The following PRKD1 variants were observed in gnomAD, a reference collection of about 807,000 sequenced individuals.
PRKD1 encodes the protein protein kinase D1, also known as serine/threonine-protein kinase D1.
A neutral mutation model predicts 95.9 loss-of-function variants in PRKD1; 63 were observed. The observed-to-expected ratio is 0.66, with a 90% CI of 0.54 to 0.81. The LOEUF (loss-of-function observed/expected upper bound fraction) is 0.81, where lower values mean the gene tolerates loss of function less well. Ranked by LOEUF, PRKD1 falls within the 30% of genes least tolerant of loss-of-function variation. The pLI is 0.00. For synonymous variants in PRKD1, 425 were observed against 423.1 expected (o/e 1.00, Z -0.05); for missense variants, 1,048 against 1,165.3 (o/e 0.90, Z 1.47).
intron 4 of PRKD1, among the ~76,000 whole-genome samples, chr14:29,654,926 T>C (rs1217802311): frequency 6.6e-6 from 1 of 152,230 alleles, no homozygotes; most frequent in Non-Finnish European, 1.5e-5. Context: ...TTTGACAAAC[T>C]AGACGTAAAC....
intron 1 of PRKD1, among the ~76,000 whole-genome samples, chr14:29,871,330 A>T (rs1893098580): frequency 6.6e-6 from 1 of 152,232 alleles, no homozygotes; most frequent in Non-Finnish European, 1.5e-5. Context: ...ATTTTTTAGG[A>T]TAAAAACTAT....
At chr14:29,651,418 T>A (rs983792923) in intron 4 of PRKD1, among the ~76,000 whole-genome samples, 16 of 152,178 alleles carry the variant, frequency 1.1e-4, no homozygotes, top group Non-Finnish European at 2.4e-4. Flanking sequence ...AATGGCAACA[T>A]CATCACTCTT....
At chr14:29,822,853 A>G (rs1331096638) in intron 1 of PRKD1, among the ~76,000 whole-genome samples, 1 of 152,198 alleles carries the variant, frequency 6.6e-6, no homozygotes, top group Non-Finnish European at 1.5e-5. Flanking sequence ...TCAGTCCCAC[A>G]ACATTCTTAA....
intron 1 of PRKD1, among the ~76,000 whole-genome samples, 185 bp from the exon 2 acceptor site, chr14:29,725,859 G>A (rs985721206): frequency 9.2e-5 from 14 of 152,064 alleles, no homozygotes; most frequent in African/African-American, 3.4e-4. Flanking sequence ...AAATCAGAAG[G>A]AAAGAAATCA....
intron 2 of PRKD1, among the ~76,000 whole-genome samples, chr14:29,707,756 T>C (rs896081018): frequency 2.0e-5 from 3 of 152,134 alleles, no homozygotes; most frequent in African/African-American, 7.2e-5. Flanking sequence ...CACTACTGGA[T>C]TACTTCATGA....
intron 13 of PRKD1, among the ~76,000 whole-genome samples, chr14:29,609,506 G>GCACGCACA (rs1555327741): frequency 7.8e-5 from 10 of 127,428 alleles, no homozygotes; most frequent in Admixed American, 1.6e-4. Flanking sequence ...GTGTGTGCGT[G>GCACGCACA]CACACACACA....
intron 1 of PRKD1, among the ~76,000 whole-genome samples, chr14:29,826,649 ATATG>A (rs1373319393): frequency 2.2e-5 from 1 of 46,078 alleles, no homozygotes; most frequent in African/African-American, 9.7e-5. Context: ...GTGTGTATAT[ATATG>A]TGTGTGTGTG....
chr14:29,876,322 C>A (rs570498956), intron 1 of PRKD1, among the ~76,000 whole-genome samples: 2 of 152,014 alleles, frequency 1.3e-5, no homozygotes, highest in Non-Finnish European at 2.9e-5. Context: ...CAGGTCATTG[C>A]CAACCAGGGA....
chr14:29,849,745 A>G (rs1435891387), intron 1 of PRKD1, among the ~76,000 whole-genome samples: 1 of 151,812 alleles, frequency 6.6e-6, no homozygotes, highest in Non-Finnish European at 1.5e-5. Flanking sequence ...CATTCTGATA[A>G]TATAAAAAAA....
rs1275919917 is a variant in PRKD1 at position 29,629,133 on chromosome 14, G to C, written c.1673-40C>G. ...AAAACAATATGCACACAAAAAGTCA[G>C]TAAGAGATGTAATAGCAAAACAAGT... On this transcript the variant is annotated intron_variant, in intron 10 of 17. Coordinates refer to ENST00000331968, the MANE Select transcript of PRKD1 (RefSeq NM_002742.3). 4 of 1,548,746 alleles carry C rather than the reference G, an allele frequency of 2.6e-6. No individual in the cohort carries two copies. In the Admixed American group the frequency reaches 7.0e-5, roughly 27 times the overall value.
At chr14:29,656,293 AC>A (rs1300361332) in intron 4 of PRKD1, among the ~76,000 whole-genome samples, 2 of 152,232 alleles carry the variant, frequency 1.3e-5, no homozygotes, top group Non-Finnish European at 2.9e-5. Flanking sequence ...GTTAAACATA[AC>A]AGGACAAAAG....
chr14:29,852,006 C>T (rs557756662), intron 1 of PRKD1, among the ~76,000 whole-genome samples: 2 of 152,278 alleles, frequency 1.3e-5, no homozygotes, highest in South Asian at 4.1e-4. Context: ...TTCATGTTCT[C>T]ACTTACAAGT....
chr14:29,885,804 T>TAAAAAAAAAAA (rs759317394), intron 1 of PRKD1, among the ~76,000 whole-genome samples: 605 of 53,462 alleles, frequency 0.011, 63 homozygotes, highest in Non-Finnish European at 0.015. Flanking sequence ...CCATCTTTAC[T>TAAAAAAAAAAA]AAAAAAAAAA....
rs1889044290 is a variant in PRKD1, at chr14:29,781,543, T to C, written c.265-55869A>G. 1.3e-5 allele frequency among the ~76,000 whole-genome samples: 2 copies of C among 152,332 alleles called. 1 individual carries two copies. Among genetic ancestry groups the C allele is most frequent in the East Asian group, 3.9e-4 (2 of 5,178 alleles). ...AAGAATAGTCAGGGAGGCACCTGCTTCATTGGATGAAAATTTATCCGGCCT... is the reference window on the plus strand; with the variant it reads ...AAGAATAGTCAGGGAGGCACCTGCTCCATTGGATGAAAATTTATCCGGCCT... On this transcript the variant is annotated intron_variant, in intron 1 of 17. Transcript: ENST00000331968.
At chr14:29,730,340 GC>G (rs1299884640) in intron 1 of PRKD1, among the ~76,000 whole-genome samples, 4 of 151,928 alleles carry the variant, frequency 2.6e-5, no homozygotes, top group Non-Finnish European at 5.9e-5. Context: ...TGTCAAAATG[GC>G]TACTATAAAA....
At chr14:29,708,531 A>C (rs1270905254) in intron 2 of PRKD1, among the ~76,000 whole-genome samples, 2 of 152,184 alleles carry the variant, frequency 1.3e-5, no homozygotes, top group Non-Finnish European at 2.9e-5. Flanking sequence ...TAAAGGGATC[A>C]AGCATCCTCA....
rs116274733 is a variant in PRKD1 at position 29,618,915 on chromosome 14, G to C, written c.1905+5237C>G. On this transcript the variant is annotated intron_variant, in intron 13 of 17. Coordinates refer to ENST00000331968, the MANE Select transcript of PRKD1 (RefSeq NM_002742.3). ...TTTGATCTGAGGACCTAGCAGAGCT[G>C]ACTGAGGAGGATTTTGCCCCATTGG... Among the ~76,000 whole-genome samples the C allele has an allele frequency of 9.6e-3, 1,460 of 152,254 alleles. 37 individuals carry two copies. The highest frequency in any genetic ancestry group is 0.034 in the African/African-American group (1,404 of 41,536).
At chr14:29,658,627 C>T (rs1882024403) in intron 4 of PRKD1, among the ~76,000 whole-genome samples, 1 of 152,106 alleles carries the variant, frequency 6.6e-6, no homozygotes, top group Non-Finnish European at 1.5e-5. Context: ...AGAGAGCGAC[C>T]TGTTTCATTG....
chr14:29,763,657 G>A (rs1888128096), intron 1 of PRKD1, among the ~76,000 whole-genome samples: 2 of 152,112 alleles, frequency 1.3e-5, no homozygotes, highest in South Asian at 4.1e-4. Flanking sequence ...TGTTGCCCCA[G>A]GGTCTTCCAC....
Sources: allele counts gnomAD v4.1 joint callset (sites outside exome capture counted in the v4.1 genomes callset), GRCh38; gene constraint gnomAD v4.1.1; transcripts MANE v1.5; gene names NCBI Gene and HGNC (gene_info 2026-07-23, HGNC 2026-07-21).